Variants in FSTL4 observed in about 807,000 individuals in gnomAD.
FSTL4 encodes follistatin-related protein 4.
In FSTL4, 28 loss-of-function variants were observed where a neutral mutation model predicts 78.2. That is an observed-to-expected ratio of 0.36 (90% CI 0.27 to 0.49). FSTL4 has a LOEUF of 0.49. Ranked by LOEUF, FSTL4 falls within the 20% of genes least tolerant of loss-of-function variation. The pLI is 0.98. For synonymous variants in FSTL4, 422 were observed against 440.5 expected (o/e 0.96, Z 0.53); for missense variants, 922 against 1,084.9 (o/e 0.85, Z 2.11).
chr5:133,658,683 T>C, the FSTL4 span, among the ~76,000 whole-genome samples: 1 of 152,156 alleles, frequency 6.6e-6, no homozygotes, highest in Non-Finnish European at 1.5e-5. Context: ...GTTTACTCTG[T>C]TTCCCCTTTG....
At chr5:133,577,217 A>C (rs1760303089) in intron 2 of FSTL4, among the ~76,000 whole-genome samples, 2 of 152,256 alleles carry the variant, frequency 1.3e-5, no homozygotes, top group African/African-American at 4.8e-5. Context: ...GCCAAGCTGA[A>C]TAATCCAGCA....
At chr5:133,542,538 G>GA (rs1444519016) in intron 3 of FSTL4, among the ~76,000 whole-genome samples, 2 of 152,120 alleles carry the variant, frequency 1.3e-5, no homozygotes, top group African/African-American at 2.4e-5. Context: ...GTTGTTGTTG[G>GA]AAAATTTGTT....
Position 133,210,218 on chromosome 5 carries a change from G to T in FSTL4, c.1689C>A (p.Asp563Glu). ...HDQVWVLSWG[D>E]VHKSRPSLQV... ...GGAGACTTGGTCGGGACTTGTGCAC[G>T]TCCCCCCAGCTCAGGACCCACACTT... The change falls in exon 14 of 16, where the codon GAC becomes GAA. Residue 563 changes from aspartate (D) to glutamate (E), a missense_variant. Transcript: ENST00000265342. 6.2e-7 allele frequency: 1 copy of T among 1,609,298 alleles called. No individual in the cohort carries two copies. Among genetic ancestry groups the T allele is most frequent in the Non-Finnish European group, 8.5e-7 (1 of 1,175,738 alleles).
intron 14 of FSTL4, among the ~76,000 whole-genome samples, chr5:133,205,774 C>G (rs1374003087): frequency 1.4e-5 from 2 of 139,680 alleles, no homozygotes; most frequent in East Asian, 4.7e-4. Flanking sequence ...GTTTGCATCT[C>G]TTTGTTTGTA....
chr5:133,696,864 A>G, the FSTL4 span, among the ~76,000 whole-genome samples: 3 of 152,208 alleles, frequency 2.0e-5, no homozygotes, highest in African/African-American at 7.2e-5. Context: ...CTGTGAAATC[A>G]TCAAAGTGTG....
At chr5:133,696,019 C>T in the FSTL4 span, among the ~76,000 whole-genome samples, 2 of 152,246 alleles carry the variant, frequency 1.3e-5, no homozygotes, top group African/African-American at 4.8e-5. Flanking sequence ...CATTTAAACT[C>T]TGGGAAAGAG....
At chr5:133,792,060 G>T in the FSTL4 span, among the ~76,000 whole-genome samples, 1 of 152,332 alleles carries the variant, frequency 6.6e-6, no homozygotes, top group East Asian at 1.9e-4. Context: ...TTGGCCCCTT[G>T]AGACAAGAGT....
At chr5:133,388,272 C>G (rs114331304) in intron 4 of FSTL4, among the ~76,000 whole-genome samples, 1 of 152,136 alleles carries the variant, frequency 6.6e-6, no homozygotes, top group Non-Finnish European at 1.5e-5. Context: ...CAAGAGTACA[C>G]GGATGGTGTA....
intron 14 of FSTL4, among the ~76,000 whole-genome samples, chr5:133,206,474 G>C (rs1341122312): frequency 6.6e-6 from 1 of 152,126 alleles, no homozygotes; most frequent in Non-Finnish European, 1.5e-5. Flanking sequence ...CGATTCTCCT[G>C]CCTCAGCCTC....
At chr5:133,713,583 A>C in the FSTL4 span, among the ~76,000 whole-genome samples, 1 of 152,194 alleles carries the variant, frequency 6.6e-6, no homozygotes, top group Non-Finnish European at 1.5e-5. Context: ...CAAGCTAGCT[A>C]CCAGACAGCT....
At chr5:133,687,785 G>A in the FSTL4 span, among the ~76,000 whole-genome samples, 277 of 152,338 alleles carry the variant, frequency 1.8e-3, no homozygotes, top group Middle Eastern at 0.01. Flanking sequence ...TAAGAGAGAC[G>A]TCTATTTCTC....
chr5:133,369,727 C>T (rs1472132512), intron 4 of FSTL4, among the ~76,000 whole-genome samples: 2 of 152,188 alleles, frequency 1.3e-5, no homozygotes, highest in African/African-American at 4.8e-5. Flanking sequence ...CTCTAGCAGG[C>T]TCATTTGGCC....
At chr5:133,462,062 T>A (rs1482687164) in intron 3 of FSTL4, among the ~76,000 whole-genome samples, 1 of 152,144 alleles carries the variant, frequency 6.6e-6, no homozygotes, top group Non-Finnish European at 1.5e-5. Context: ...TCAAAAACCA[T>A]CTGACCTCAC....
At chr5:133,409,970 C>A (rs1250733690) in intron 3 of FSTL4, among the ~76,000 whole-genome samples, 2 of 152,302 alleles carry the variant, frequency 1.3e-5, no homozygotes, top group East Asian at 1.9e-4. Context: ...AAAAAATTAT[C>A]CCACATCTGT....
chr5:133,614,404 A>G (rs1316555525), upstream of FSTL4, among the ~76,000 whole-genome samples: 1 of 152,232 alleles, frequency 6.6e-6, no homozygotes, highest in Non-Finnish European at 1.5e-5. Context: ...AACCAGATGT[A>G]TGGAATATTC....
At chr5:133,499,369 T>TACACACACACACACACAC (rs57363602) in intron 3 of FSTL4, among the ~76,000 whole-genome samples, 3 of 126,792 alleles carry the variant, frequency 2.4e-5, no homozygotes, top group East Asian at 5.1e-4. Flanking sequence ...ACAAGGGGAA[T>TACACACACACACACACAC]ACACACACAC....
intron 3 of FSTL4, among the ~76,000 whole-genome samples, chr5:133,434,322 A>G (rs917183532): frequency 6.6e-6 from 1 of 152,192 alleles, no homozygotes; most frequent in Non-Finnish European, 1.5e-5. Context: ...ACATTTTACT[A>G]TATTTCACCT....
At chr5:133,633,465 G>T in the FSTL4 span, among the ~76,000 whole-genome samples, 2 of 151,414 alleles carry the variant, frequency 1.3e-5, no homozygotes, top group Non-Finnish European at 2.9e-5. Flanking sequence ...TTTTTATTTG[G>T]TCCTTCTTTA....
intron 6 of FSTL4, among the ~76,000 whole-genome samples, chr5:133,250,675 AC>A (rs1178527510): frequency 6.6e-6 from 1 of 152,232 alleles, no homozygotes; most frequent in African/African-American, 2.4e-5. Flanking sequence ...ATCTGTGCTC[AC>A]ACCCTCTTGC....
Sources: gnomAD v4.1 joint callset for allele counts (sites outside exome capture counted in the v4.1 genomes callset) on GRCh38, gnomAD v4.1.1 for gene constraint, MANE v1.5 for transcripts, NCBI Gene and HGNC (gene_info 2026-07-23, HGNC 2026-07-21) for gene names.